Variants in PDIA4 observed in about 807,000 individuals in gnomAD.
PDIA4 encodes the protein protein disulfide-isomerase A4.
In PDIA4, 33 loss-of-function variants were observed where a neutral mutation model predicts 62.1. The observed-to-expected ratio is 0.53, with a 90% confidence interval of 0.40 to 0.71. The LOEUF (loss-of-function observed/expected upper bound fraction) is 0.71. PDIA4 is among the 30% of genes least tolerant of loss of function. PDIA4 has a pLI of 0.00. For missense variants in PDIA4, 804 were observed against 813.6 expected (o/e 0.99, Z 0.14); for synonymous variants, 341 against 324.1 (o/e 1.05, Z -0.56).
intron 7 of PDIA4, among the ~76,000 whole-genome samples, chr7:149,007,137 C>G (rs113136025): frequency 0.012 from 1,804 of 152,216 alleles, 29 homozygotes; most frequent in African/African-American, 0.041. Flanking sequence ...TTGCCCTGAG[C>G]TTCAAGTTGG....
At chr7:149,022,857 A>T (rs554496202) in intron 1 of PDIA4, among the ~76,000 whole-genome samples, 4 of 152,240 alleles carry the variant, frequency 2.6e-5, no homozygotes, top group Non-Finnish European at 5.9e-5. Context: ...CAATCTGCAA[A>T]CTTTACAAAA....
In PDIA4 at chr7:149,004,003, C is replaced by T. The variant is rs771581079; in HGVS notation, c.1729G>A (p.Gly577Ser). 6.2e-7 allele frequency: 1 copy of T among 1,614,006 alleles called. No individual in the cohort carries two copies. ...GCGTCCATCTTGGCGATGACCAGGCCCTTTTGGCCCTTGTACTTCTTGGCC... is the reference window on the plus strand; with the variant it reads ...GCGTCCATCTTGGCGATGACCAGGCTCTTTTGGCCCTTGTACTTCTTGGCC... ...SLAKKYKGQK[G>S]LVIAKMDATA... The change falls in exon 10 of 10, where the codon GGC becomes AGC. Residue 577 changes from glycine to serine, a missense_variant. Coordinates refer to ENST00000652332, the MANE Select transcript of PDIA4 (RefSeq NM_004911.5).
chr7:149,011,971 G>C lies in PDIA4; in HGVS notation c.854C>G (p.Pro285Arg), dbSNP rs201276356. Residue 285 changes from proline to arginine, a missense_variant, in exon 6 of 10, where the codon CCT becomes CGT. Pro to Arg is a moderately radical substitution (Grantham distance 103). Coordinates refer to ENST00000652332, the MANE Select transcript of PDIA4 (RefSeq NM_004911.5). The stretch of plus-strand genomic sequence containing the variant: ...CAGGGTCAGAATCTCCTTGGAGGGA[G>C]GCCCGGACTGCTCGATCATGTAATC... ...IVDYMIEQSGPPSKEILTLKQ... is the reference protein window; with the variant it reads ...IVDYMIEQSGRPSKEILTLKQ... 5.1e-5 allele frequency: 82 copies of C among 1,603,898 alleles called. No individual in the cohort carries two copies. Among genetic ancestry groups the C allele is most frequent in the Non-Finnish European group, 6.8e-5 (80 of 1,174,620 alleles).
At chr7:149,010,171 T>G (rs1823897907) in intron 6 of PDIA4, among the ~76,000 whole-genome samples, 1 of 152,144 alleles carries the variant, frequency 6.6e-6, no homozygotes, top group South Asian at 2.1e-4. Flanking sequence ...CCACAGGCCC[T>G]TCTCTGTAAA....
intron 7 of PDIA4, among the ~76,000 whole-genome samples, chr7:149,006,671 C>T (rs189117398): frequency 5.3e-5 from 8 of 152,284 alleles, no homozygotes; most frequent in Admixed American, 1.3e-4. Context: ...AGGGAGGCAG[C>T]AGAGACTGAG....
At chr7:149,011,777 G>C in intron 6 of PDIA4, 69 bp downstream of exon 6, 2 of 1,336,684 alleles carry the variant, frequency 1.5e-6, no homozygotes, top group Non-Finnish European at 2.0e-6. Context: ...GGAGCTTTCT[G>C]AAAAACCAGG....
intron 7 of PDIA4, 107 bp from the exon 8 acceptor site, chr7:149,006,160 G>T: frequency 8.4e-7 from 1 of 1,191,690 alleles, no homozygotes; most frequent in Non-Finnish European, 1.1e-6. Flanking sequence ...AAGGGGATCA[G>T]TCTTAGGAGG....
Position 149,021,074 on chromosome 7 carries a change from GTCT to G in PDIA4, c.159_161del (p.Glu53del), listed in dbSNP as rs1824329889. The G allele has an allele frequency of 1.2e-6, 2 of 1,613,494 alleles. No individual in the cohort carries two copies. The highest frequency in any genetic ancestry group is 2.2e-5 in the South Asian group (2 of 91,044). On this transcript the variant is annotated inframe_deletion, in exon 2 of 10. Coordinates refer to ENST00000652332, the MANE Select transcript of PDIA4 (RefSeq NM_004911.5). ...CATTTTCTTCCTTAACTTCCAAGTC[GTCT>G]TCTTCCTCATCATCATCTTCCTCCT...
At chr7:149,028,298 C>G (rs1211357158) in intron 1 of PDIA4, 23 bp downstream of exon 1, 4 of 1,503,896 alleles carry the variant, frequency 2.7e-6, no homozygotes. Flanking sequence ...CACAGCCCGA[C>G]CCGCGGCGCG....
At position 149,023,516 on chromosome 7, in the gene PDIA4, C is replaced by T. The variant is rs143373014; in HGVS notation, c.89-2369G>A. The stretch of plus-strand genomic sequence containing the variant: ...GTCCCTGAGGGAGACCACCAGGGGC[C>T]CCGGCTGGCAGTTAAGTAGTGCTTT... On this transcript the variant is annotated intron_variant, in intron 1 of 9. Transcript: ENST00000652332. Among the ~76,000 whole-genome samples, 333 of 151,976 alleles carry T rather than the reference C, an allele frequency of 2.2e-3. 3 individuals carry two copies. The highest frequency in any genetic ancestry group is 7.6e-3 in the African/African-American group (314 of 41,446).
chr7:149,028,215 G>A (rs1199933182), intron 1 of PDIA4, 106 bp downstream of exon 1: 2 of 779,566 alleles, frequency 2.6e-6, no homozygotes, highest in East Asian at 2.8e-5. Flanking sequence ...TAGTTCTGGA[G>A]CTGACCGCGC....
In PDIA4 at chr7:149,011,852, CCTGGTATTG is replaced by C. The variant is rs1415609949; in HGVS notation, c.964_972del (p.Gln322_Gln324del). 3.2e-6 allele frequency: 5 copies of C among 1,567,598 alleles called. No homozygotes were observed. Among genetic ancestry groups the C allele is most frequent in the Non-Finnish European group, 4.3e-6 (5 of 1,156,588 alleles). On this transcript the variant is annotated inframe_deletion, in exon 6 of 10. Transcript: ENST00000652332. ...CCAGAGGGCCACAACTCACCGGCAT[CCTGGTATTG>C]CTGGTAGGCTGGGTCACTCTCCCCC...
intron 1 of PDIA4, among the ~76,000 whole-genome samples, chr7:149,025,479 T>C (rs1227807590): frequency 6.6e-6 from 1 of 152,200 alleles, no homozygotes; most frequent in African/African-American, 2.4e-5. Flanking sequence ...ACGGTAACCA[T>C]GATAGCTGGT....
chr7:149,016,607 C>T (rs967293055), intron 3 of PDIA4, among the ~76,000 whole-genome samples: 6 of 152,116 alleles, frequency 3.9e-5, no homozygotes, highest in African/African-American at 1.4e-4. Context: ...CAACCTCTGC[C>T]TCCCGGGTTC....
intron 6 of PDIA4, among the ~76,000 whole-genome samples, chr7:149,011,452 GACC>G (rs966190993): frequency 1.3e-5 from 2 of 152,192 alleles, no homozygotes; most frequent in African/African-American, 4.8e-5. Context: ...TCTCAGAAAA[GACC>G]ACCACCTTGG....
rs751050180 is a variant in PDIA4, at chr7:149,008,213, C to T, written c.1077G>A (p.Gln359=). 1 of 1,614,170 alleles carries T rather than the reference C, an allele frequency of 6.2e-7. No homozygotes were observed. Among genetic ancestry groups the T allele is most frequent in the East Asian group, 2.2e-5 (1 of 44,872 alleles). ...KVSQGQLVVM[Q]PEKFQSKYEP... ...CATACTTGGACTGGAATTTCTCAGG[C>T]TGCATTACAACCAACTGCCCCTGGG... The change falls in exon 7 of 10, where the codon CAG becomes CAA. Residue 359 remains glutamine (Q), a synonymous_variant. Transcript: ENST00000652332.
chr7:149,023,301 GA>G (rs1297775431), intron 1 of PDIA4, among the ~76,000 whole-genome samples: 3 of 152,132 alleles, frequency 2.0e-5, no homozygotes, highest in African/African-American at 7.2e-5. Flanking sequence ...CCAAGAGGGA[GA>G]AAAAAGAAAA....
At chr7:149,024,567 T>A (rs955497456) in intron 1 of PDIA4, among the ~76,000 whole-genome samples, 1 of 151,774 alleles carries the variant, frequency 6.6e-6, no homozygotes, top group Non-Finnish European at 1.5e-5. Flanking sequence ...ATCCACGTGC[T>A]CCTCTGGGAG....
In PDIA4 at chr7:149,005,257, T is replaced by C. The variant is rs374039846; in HGVS notation, c.1406A>G (p.Glu469Gly). ...AGEVKDLGLS[E>G]SGEDVNAAIL... ...GGCGGCATTGACATCCTCCCCACTC[T>C]CGCTGAGCCCCAGGTCCTTCACCTC... Residue 469 changes from glutamate (E) to glycine (G), a missense_variant, in exon 9 of 10, where the codon GAG becomes GGG. Transcript: ENST00000652332. The C allele has an allele frequency of 1.1e-5, 17 of 1,614,018 alleles. No individual in the cohort carries two copies. Among genetic ancestry groups the C allele is most frequent in the Non-Finnish European group, 1.3e-5 (15 of 1,180,000 alleles).
Sources: allele counts gnomAD v4.1 joint callset (sites outside exome capture counted in the v4.1 genomes callset), GRCh38; gene constraint gnomAD v4.1.1; transcripts MANE v1.5; gene names NCBI Gene and HGNC (gene_info 2026-07-23, HGNC 2026-07-21).